CNGB3: variants seen among roughly 807,000 people sequenced by gnomAD.
CNGB3 encodes the protein cyclic nucleotide gated channel subunit beta 3.
In CNGB3, 86 loss-of-function variants were observed where a neutral mutation model predicts 92.8. The ratio of observed to expected loss-of-function variants is 0.93; its 90% confidence interval spans 0.78 to 1.11. CNGB3 has a LOEUF of 1.11. CNGB3 is among the 50% of genes least tolerant of loss of function. The pLI, the probability that CNGB3 is intolerant of heterozygous loss-of-function variation, is 0.00. For synonymous variants in CNGB3, 333 were observed against 332.7 expected (o/e 1.00, Z -0.01); for missense variants, 1,026 against 956.8 (o/e 1.07, Z -0.95).
chr8:86,591,570 C>G (rs1822036914), intron 15 of CNGB3, among the ~76,000 whole-genome samples: 2 of 151,822 alleles, frequency 1.3e-5, no homozygotes, highest in South Asian at 4.2e-4. Flanking sequence ...ACAGGACCCT[C>G]AGCTGCAGGT....
intron 4 of CNGB3, among the ~76,000 whole-genome samples, chr8:86,668,957 G>A (rs368027661): frequency 3.9e-5 from 6 of 152,150 alleles, no homozygotes; most frequent in South Asian, 4.1e-4. Flanking sequence ...AGTTAGAGGC[G>A]GCAGTCAGCT....
chr8:86,663,868 G>GT (rs926414268), intron 6 of CNGB3, among the ~76,000 whole-genome samples: 3 of 152,190 alleles, frequency 2.0e-5, no homozygotes, highest in African/African-American at 7.2e-5. Context: ...TGTTGAGTGT[G>GT]TTTTTTACCG....
intron 6 of CNGB3, chr8:86,660,230 A>C (rs965608257): frequency 3.2e-6 from 1 of 308,662 alleles, no homozygotes; most frequent in Non-Finnish European, 6.6e-6. Context: ...TTGTATGCTG[A>C]TATTCTCTCA....
chr8:86,617,144 T>C (rs1179294788), intron 13 of CNGB3, among the ~76,000 whole-genome samples: 1 of 152,192 alleles, frequency 6.6e-6, no homozygotes, highest in African/African-American at 2.4e-5. Flanking sequence ...AACAGAGCCA[T>C]AGGTTAGATG....
rs1825308051 is a variant in CNGB3 at position 86,739,664 on chromosome 8, T to C, written c.202A>G (p.Asn68Asp). The C allele has an allele frequency of 6.2e-7, 1 of 1,611,622 alleles. No individual in the cohort carries two copies. Among genetic ancestry groups the C allele is most frequent in the Non-Finnish European group, 8.5e-7 (1 of 1,179,716 alleles). Residue 68 changes from asparagine (N) to aspartate (D), a missense_variant, in exon 2 of 18, where the codon AAC (asparagine) becomes GAC (aspartate). By Grantham distance (23) the Asn-to-Asp change is conservative (BLOSUM62 1). Transcript: ENST00000320005. The stretch of plus-strand genomic sequence containing the variant: ...CAGACTGCATTCTGACCTTGTATGT[T>C]GGTGTGTGGCTCTTCAGACGTGACT... ...TPVTSEEPHT[N>D]IQDKLSKKNS...
At chr8:86,650,555 TG>T (rs1398267461) in intron 7 of CNGB3, among the ~76,000 whole-genome samples, 2 of 151,514 alleles carry the variant, frequency 1.3e-5, no homozygotes, top group Middle Eastern at 3.2e-3. Flanking sequence ...GCAGACACAC[TG>T]TCTGCTTTTT....
chr8:86,717,396 T>C (rs1824875517), intron 3 of CNGB3, among the ~76,000 whole-genome samples: 1 of 151,878 alleles, frequency 6.6e-6, no homozygotes, highest in South Asian at 2.1e-4. Flanking sequence ...ACATCTTCTC[T>C]ACTAAAAATA....
intron 13 of CNGB3, among the ~76,000 whole-genome samples, chr8:86,612,942 A>C (rs557098627): frequency 3.9e-5 from 6 of 152,194 alleles, no homozygotes; most frequent in Non-Finnish European, 8.8e-5. Flanking sequence ...TCTTGTAAGT[A>C]AGCAGAAAAG....
chr8:86,591,976 G>A (rs186003644), intron 15 of CNGB3, among the ~76,000 whole-genome samples: 2,324 of 152,326 alleles, frequency 0.015, 28 homozygotes, highest in Non-Finnish European at 0.022. Context: ...AGACTGCTGT[G>A]CTAGCAATCA....
In CNGB3 at chr8:86,743,578, T is replaced by G. The variant is rs1825377587; in HGVS notation, c.50A>C (p.Asn17Thr). The part of the protein sequence containing the change: ...KVNKVKPIGE[N>T]NENEQSSRRN... ...ACGAGAACTTTGTTCATTCTCATTG[T>G]TCTCTCCTATAGGCTTCACCTTGTT... The change falls in exon 1 of 18, where the codon AAC becomes ACC. Residue 17 changes from asparagine (N) to threonine (T), a missense_variant. Coordinates refer to ENST00000320005, the MANE Select transcript of CNGB3 (RefSeq NM_019098.5). 1 of 1,613,930 alleles carries G rather than the reference T, an allele frequency of 6.2e-7. No homozygotes were observed. The highest frequency in any genetic ancestry group is 1.3e-5 in the African/African-American group (1 of 74,928).
chr8:86,624,969 C>T (rs542727383), intron 13 of CNGB3, among the ~76,000 whole-genome samples: 1 of 152,280 alleles, frequency 6.6e-6, no homozygotes, highest in Non-Finnish European at 1.5e-5. Flanking sequence ...ACACTGACCA[C>T]ACCTGCCTTG....
intron 15 of CNGB3, among the ~76,000 whole-genome samples, chr8:86,581,864 A>G (rs879481429): frequency 2.0e-5 from 3 of 152,170 alleles, no homozygotes; most frequent in Non-Finnish European, 4.4e-5. Context: ...ACTAGAAGGA[A>G]TTTGAAGCCT....
At chr8:86,724,142 C>G (rs1019767077) in intron 3 of CNGB3, among the ~76,000 whole-genome samples, 4 of 152,072 alleles carry the variant, frequency 2.6e-5, no homozygotes, top group African/African-American at 7.2e-5. Context: ...TGAAATTTAT[C>G]TATAGAATCA....
intron 3 of CNGB3, among the ~76,000 whole-genome samples, chr8:86,684,724 T>C (rs1824150584): frequency 6.6e-6 from 1 of 151,880 alleles, no homozygotes; most frequent in South Asian, 2.1e-4. Flanking sequence ...GAGAATTATA[T>C]TGATTAAAAG....
intron 6 of CNGB3, chr8:86,660,517 G>C (rs1159530244): frequency 3.8e-6 from 2 of 532,484 alleles, no homozygotes. Flanking sequence ...CATGTCCAGA[G>C]GGACGATTTT....
intron 3 of CNGB3, 54 bp from the exon 4 acceptor site, chr8:86,671,152 A>G (rs1823854497): frequency 3.1e-6 from 5 of 1,589,746 alleles, no homozygotes; most frequent in Non-Finnish European, 4.3e-6. Context: ...AATAGATATA[A>G]GGGAAAGATT....
intron 6 of CNGB3, among the ~76,000 whole-genome samples, chr8:86,654,961 A>G (rs1310289560): frequency 6.6e-6 from 1 of 152,130 alleles, no homozygotes; most frequent in African/African-American, 2.4e-5. Context: ...GTTGATGGGT[A>G]AGCAACTGCC....
At chr8:86,701,773 T>C (rs1226063340) in intron 3 of CNGB3, among the ~76,000 whole-genome samples, 4 of 152,194 alleles carry the variant, frequency 2.6e-5, no homozygotes, top group Non-Finnish European at 4.4e-5. Context: ...AAATGGTCAA[T>C]TCCCCTGAAG....
intron 6 of CNGB3, chr8:86,660,331 G>A (rs918946234): frequency 5.5e-6 from 2 of 365,266 alleles, no homozygotes; most frequent in African/African-American, 2.2e-5. Context: ...ATATCAGCAC[G>A]ATCCTGGCAA....
Sources: gnomAD v4.1 joint callset for allele counts (sites outside exome capture counted in the v4.1 genomes callset) on GRCh38, gnomAD v4.1.1 for gene constraint, MANE v1.5 for transcripts, NCBI Gene and HGNC (gene_info 2026-07-23, HGNC 2026-07-21) for gene names.